TMEM181: variants seen among roughly 807,000 people sequenced by gnomAD.
TMEM181 encodes transmembrane protein 181.
Under a neutral mutation model 71.9 loss-of-function variants are expected in TMEM181, and 39 were observed. The observed-to-expected ratio is 0.54, with a 90% CI of 0.42 to 0.71. The LOEUF is 0.71. Among genes scored for constraint, TMEM181 ranks in the 30% least tolerant of loss-of-function variants. The pLI is 0.00. For missense variants in TMEM181, 595 were observed against 583.0 expected, an observed-to-expected ratio of 1.02 and a Z score of -0.21; for synonymous variants, 245 against 228.8, an observed-to-expected ratio of 1.07 and a Z score of -0.64.
rs528354171 is a variant in TMEM181, at chr6:158,592,468, G to T, written c.492+2686G>T. Among the ~76,000 whole-genome samples, 6 of 121,972 alleles carry T rather than the reference G, an allele frequency of 4.9e-5. No individual in the cohort carries two copies. The East Asian group carries it at 1.2e-3, about 25-fold the overall frequency. The allele number at this position is 121,972 out of a possible 152,430, so 80.0% of individuals were successfully genotyped here. On this transcript the variant is annotated intron_variant, in intron 6 of 16. Transcript: ENST00000684151. ...GAGACCAGCCTGGACAACATAATGA[G>T]ACCCCATCTTTTTTTTTTTTCTGAA...
chr6:158,611,956 C>T (rs1785345006), intron 10 of TMEM181, among the ~76,000 whole-genome samples: 1 of 141,016 alleles, frequency 7.1e-6, no homozygotes, highest in African/African-American at 2.7e-5. Context: ...TCCCATACAA[C>T]TCCCTGCAGC....
At chr6:158,625,467 C>A (rs769066028) in intron 12 of TMEM181, among the ~76,000 whole-genome samples, 4 of 152,164 alleles carry the variant, frequency 2.6e-5, no homozygotes, top group South Asian at 2.1e-4. Context: ...CCTGAGCTTG[C>A]GGGATCCTTT....
At chr6:158,560,603 G>A (rs1034137642) in intron 1 of TMEM181, among the ~76,000 whole-genome samples, 1 of 152,126 alleles carries the variant, frequency 6.6e-6, no homozygotes, top group Non-Finnish European at 1.5e-5. Context: ...CCGCCTCCCG[G>A]GCAGCCTCTC....
At chr6:158,571,991 G>A (rs998321774) in intron 1 of TMEM181, among the ~76,000 whole-genome samples, 1 of 152,216 alleles carries the variant, frequency 6.6e-6, no homozygotes, top group Non-Finnish European at 1.5e-5. Context: ...TCATGTTTGT[G>A]GGTGAGTGTT....
chr6:158,583,716 C>T lies in TMEM181; in HGVS notation c.169-238C>T, dbSNP rs530472372. Among the ~76,000 whole-genome samples the T allele has an allele frequency of 1.2e-4, 18 of 152,192 alleles. No homozygotes were observed. In the South Asian group the frequency reaches 3.7e-3, roughly 32 times the overall value. ...TCGGGAGGCTGAGGCAGGAGAATGG[C>T]GTGAACCCAGGAGGCAGAGCTTGTA... On this transcript the variant is annotated intron_variant, in intron 3 of 16. Coordinates refer to ENST00000684151, the MANE Select transcript of TMEM181 (RefSeq NM_001376852.1).
At chr6:158,593,120 A>G (rs919281547) in intron 6 of TMEM181, among the ~76,000 whole-genome samples, 1 of 152,234 alleles carries the variant, frequency 6.6e-6, no homozygotes, top group Admixed American at 6.5e-5. Context: ...ATACTCAGGA[A>G]GTAGAAACAT....
intron 4 of TMEM181, among the ~76,000 whole-genome samples, chr6:158,584,757 T>A (rs190343654): frequency 6.6e-6 from 1 of 152,358 alleles, no homozygotes; most frequent in African/African-American, 2.4e-5. Context: ...TTATCCCCTC[T>A]TTGTAACATT....
chr6:158,583,940 T>C lies in TMEM181; in HGVS notation c.169-14T>C. On this transcript the variant is annotated splice_polypyrimidine_tract_variant and intron_variant, in intron 3 of 16. Transcript: ENST00000684151. ...GAAAAGGTCACATGGATTACTTTGT[T>C]TTTTTTTCTTCAGCTAAAGCCAATT... is the stretch of plus-strand genomic sequence containing the variant. 1 of 1,586,598 alleles carries C rather than the reference T, an allele frequency of 6.3e-7. No homozygotes were observed. Among genetic ancestry groups the C allele is most frequent in the Non-Finnish European group, 8.6e-7 (1 of 1,165,622 alleles).
chr6:158,629,444 C>T (rs537768334), intron 14 of TMEM181, among the ~76,000 whole-genome samples: 3 of 152,270 alleles, frequency 2.0e-5, no homozygotes, highest in East Asian at 3.9e-4. Context: ...GCCCTGCCCT[C>T]GGTGCTGGTG....
chr6:158,597,202 T>A (rs1245849602), intron 6 of TMEM181, among the ~76,000 whole-genome samples: 1 of 152,232 alleles, frequency 6.6e-6, no homozygotes, highest in Admixed American at 6.5e-5. Context: ...CAACCCCATT[T>A]TCCATGAACA....
rs1038379124 is a variant in TMEM181, at chr6:158,634,310, C to T, written c.*2422C>T. On this transcript the variant is annotated 3_prime_UTR_variant, in exon 17 of 17. Transcript: ENST00000684151. ...TAGCACTTGGCATGTAGAATATGTA[C>T]CATAGGTATCAGGTTAAAACACTAA... 2.0e-5 allele frequency: 3 copies of T among 152,058 alleles called. No individual in the cohort carries two copies. The highest frequency in any genetic ancestry group is 2.0e-4 in the Admixed American group (3 of 15,278). 9.4% of individuals were successfully genotyped at this position (152,058 alleles called of 1,614,324 possible).
intron 10 of TMEM181, chr6:158,610,787 TCA>T (rs1785256527): frequency 3.2e-6 from 1 of 315,576 alleles, no homozygotes; most frequent in African/African-American, 2.2e-5. Context: ...CTGCTGCTGC[TCA>T]CAGACAGGTA....
chr6:158,573,341 G>A (rs1461039465), intron 1 of TMEM181, 79 bp from the exon 2 acceptor site: 45 of 1,006,116 alleles, frequency 4.5e-5, no homozygotes, highest in Non-Finnish European at 1.3e-5. Flanking sequence ...GTGTGGGGAG[G>A]GGTGTTGCTG....
At chr6:158,596,123 C>T (rs957006915) in intron 6 of TMEM181, among the ~76,000 whole-genome samples, 3 of 151,960 alleles carry the variant, frequency 2.0e-5, no homozygotes, top group African/African-American at 7.3e-5. Flanking sequence ...GGTTTCACTG[C>T]GTTAGCCAGG....
intron 15 of TMEM181, 47 bp downstream of exon 15, chr6:158,629,866 A>T (rs1212617102): frequency 6.7e-7 from 1 of 1,497,212 alleles, no homozygotes; most frequent in Admixed American, 1.7e-5. Flanking sequence ...GCGGGCACAG[A>T]GGCCTGTGTT....
intron 10 of TMEM181, 95 bp downstream of exon 10, chr6:158,608,845 C>A: frequency 1.7e-6 from 2 of 1,164,488 alleles, no homozygotes; most frequent in Non-Finnish European, 2.5e-6. Context: ...CGCCTGTAAT[C>A]CCAGCACTTT....
chr6:158,598,170 G>A (rs904809172), intron 6 of TMEM181, among the ~76,000 whole-genome samples: 1 of 152,202 alleles, frequency 6.6e-6, no homozygotes, highest in Non-Finnish European at 1.5e-5. Flanking sequence ...AAAATCACTT[G>A]TACTCACTTT....
intron 16 of TMEM181, 57 bp downstream of exon 16, chr6:158,631,446 C>G: frequency 6.4e-7 from 1 of 1,554,520 alleles, no homozygotes; most frequent in Non-Finnish European, 8.9e-7. Context: ...CACGGCCTTG[C>G]ATGTTTCTGA....
In TMEM181 at chr6:158,633,297, C is replaced by G. The variant is rs909808973; in HGVS notation, c.*1409C>G. On this transcript the variant is annotated 3_prime_UTR_variant, in exon 17 of 17. Transcript: ENST00000684151. Reference sequence around the variant, plus strand: ...TAGGGACGACCTGTTCTGTAAAGTCCTTGGCACTGCTGAATCTGTGGCATC... The same window carrying G: ...TAGGGACGACCTGTTCTGTAAAGTCGTTGGCACTGCTGAATCTGTGGCATC... 6.6e-6 allele frequency: 1 copy of G among 152,156 alleles called. No individual in the cohort carries two copies. Among genetic ancestry groups the G allele is most frequent in the Non-Finnish European group, 1.5e-5 (1 of 68,038 alleles). The allele number at this position is 152,156 out of a possible 1,614,324, so 9.4% of individuals were successfully genotyped here.
Sources: gnomAD v4.1 joint callset for allele counts (sites outside exome capture counted in the v4.1 genomes callset) on GRCh38, gnomAD v4.1.1 for gene constraint, MANE v1.5 for transcripts, NCBI Gene and HGNC (gene_info 2026-07-23, HGNC 2026-07-21) for gene names.